The following LARP1B variants were observed in gnomAD, a reference collection of about 807,000 sequenced individuals.
The protein encoded by LARP1B is la-related protein 1B.
In LARP1B, 76 loss-of-function variants were observed where a neutral mutation model predicts 114.2. The observed-to-expected ratio is 0.67, with a 90% CI of 0.55 to 0.81. The LOEUF (loss-of-function observed/expected upper bound fraction) is 0.81. LARP1B is among the 30% of genes least tolerant of loss of function. The pLI is 0.00. For synonymous variants in LARP1B, 345 were observed against 348.0 expected, an observed-to-expected ratio of 0.99 and a Z score of 0.10; for missense variants, 1,014 against 1,075.8, an observed-to-expected ratio of 0.94 and a Z score of 0.80.
intron 11 of LARP1B, among the ~76,000 whole-genome samples, chr4:128,133,789 C>T (rs1792317447): frequency 6.6e-6 from 1 of 152,074 alleles, no homozygotes; most frequent in African/African-American, 2.4e-5. Context: ...CTCCGCCTCC[C>T]AGGTTCAAGT....
intron 8 of LARP1B, among the ~76,000 whole-genome samples, chr4:128,101,928 G>A (rs1345462501): frequency 6.6e-6 from 1 of 152,036 alleles, no homozygotes; most frequent in African/African-American, 2.4e-5. Context: ...TGCCTTTTTG[G>A]TCTGTTTGTA....
At chr4:128,158,080 G>A (rs187266382) in intron 11 of LARP1B, among the ~76,000 whole-genome samples, 2 of 152,198 alleles carry the variant, frequency 1.3e-5, no homozygotes, top group East Asian at 1.9e-4. Flanking sequence ...TATAAAGATG[G>A]ATATTTTATA....
At chr4:128,137,789 A>ATT (rs771782826) in intron 11 of LARP1B, among the ~76,000 whole-genome samples, 5 of 129,938 alleles carry the variant, frequency 3.8e-5, no homozygotes, top group African/African-American at 8.8e-5. Flanking sequence ...ATATATATAT[A>ATT]TATTTTTTTT....
At chr4:128,149,000 T>C (rs976966057) in intron 11 of LARP1B, among the ~76,000 whole-genome samples, 7 of 152,228 alleles carry the variant, frequency 4.6e-5, no homozygotes, top group African/African-American at 1.7e-4. Flanking sequence ...TTTTTGAACA[T>C]GAAAGGATAT....
chr4:128,065,253 A>ATTTCTTTC (rs199707342), intron 1 of LARP1B, among the ~76,000 whole-genome samples: 2,077 of 89,096 alleles, frequency 0.023, 55 homozygotes, highest in Middle Eastern at 0.041. Context: ...CCCACAATTA[A>ATTTCTTTC]TTTCTTTCTT....
intron 5 of LARP1B, among the ~76,000 whole-genome samples, chr4:128,088,220 T>TGAA (rs893757408): frequency 2.6e-5 from 4 of 151,744 alleles, no homozygotes; most frequent in African/African-American, 9.7e-5. Flanking sequence ...ATGATGATGA[T>TGAA]GAACAGTGGA....
chr4:128,178,035 G>GATATATAT (rs35878913), intron 13 of LARP1B, among the ~76,000 whole-genome samples: 3,027 of 137,720 alleles, frequency 0.022, 54 homozygotes, highest in Non-Finnish European at 0.034. Flanking sequence ...TTTACAAAGT[G>GATATATAT]ATATATATAT....
intron 12 of LARP1B, among the ~76,000 whole-genome samples, chr4:128,166,013 A>C (rs144533768): frequency 6.6e-6 from 1 of 152,096 alleles, no homozygotes; most frequent in African/African-American, 2.4e-5. Context: ...ATGAGTATCA[A>C]ATTAATATGT....
chr4:128,177,625 T>C (rs189475381), intron 13 of LARP1B, among the ~76,000 whole-genome samples: 40 of 152,310 alleles, frequency 2.6e-4, no homozygotes, highest in African/African-American at 9.4e-4. Context: ...ACTAGATCAT[T>C]TAAATCCCAT....
At chr4:128,069,319 G>A (rs1975879) in intron 1 of LARP1B, 2 of 811,288 alleles carry the variant, frequency 2.5e-6, no homozygotes, top group South Asian at 1.3e-5. Flanking sequence ...CCAGCTTGCC[G>A]CTTTGCAATG....
chr4:128,084,122 C>T (rs932894982), intron 5 of LARP1B, among the ~76,000 whole-genome samples: 6 of 151,628 alleles, frequency 4.0e-5, no homozygotes, highest in East Asian at 3.9e-4. Flanking sequence ...CCGGCAGAGA[C>T]GCTTCTCACT....
chr4:128,082,503 T>C (rs916737983), intron 5 of LARP1B, among the ~76,000 whole-genome samples, 198 bp downstream of exon 5: 1 of 152,230 alleles, frequency 6.6e-6, no homozygotes, highest in Non-Finnish European at 1.5e-5. Context: ...TTAACATTAA[T>C]ACAATGTGAT....
intron 15 of LARP1B, among the ~76,000 whole-genome samples, chr4:128,189,324 CTTTTTT>C (rs70966089): frequency 2.9e-4 from 2 of 6,822 alleles, no homozygotes; most frequent in South Asian, 7.4e-3. Flanking sequence ...AGTATGGCTA[CTTTTTT>C]TTTTTTTTTT....
chr4:128,108,091 G>T lies in LARP1B; in HGVS notation c.988+778G>T, dbSNP rs554463859. 69 of 1,395,996 alleles carry T rather than the reference G, an allele frequency of 4.9e-5. No individual in the cohort carries two copies. The South Asian group carries it at 1.1e-3, about 22-fold the overall frequency. The allele number at this position is 1,395,996 out of a possible 1,614,324, so 86.5% of individuals were successfully genotyped here. On this transcript the variant is annotated intron_variant, in intron 9 of 19. Coordinates refer to ENST00000326639, the MANE Select transcript of LARP1B (RefSeq NM_018078.4). Reference sequence around the variant, plus strand: ...CACTGCAGTGGAGATAACCACCTTTGCGATAATGAGAGACAGACCAGAGGA... The same window carrying T: ...CACTGCAGTGGAGATAACCACCTTTTCGATAATGAGAGACAGACCAGAGGA...
chr4:128,104,800 T>A (rs950690958), intron 8 of LARP1B, among the ~76,000 whole-genome samples: 7 of 152,206 alleles, frequency 4.6e-5, no homozygotes, highest in Non-Finnish European at 8.8e-5. Context: ...CTTTCCACTT[T>A]GGGTCTTTGA....
At chr4:128,214,273 G>C (rs979356128), downstream of LARP1B, among the ~76,000 whole-genome samples, 13 of 148,006 alleles carry the variant, frequency 8.8e-5, no homozygotes, top group East Asian at 2.2e-3. Context: ...CAAAGCAGCC[G>C]GGAAGCTCGA....
At chr4:128,123,714 G>A (rs1048364095) in intron 11 of LARP1B, 2 of 972,328 alleles carry the variant, frequency 2.1e-6, no homozygotes, top group Non-Finnish European at 1.2e-6. Context: ...ATTAACCAAA[G>A]GAACCCAACC....
Position 128,114,718 on chromosome 4 carries a change from T to C in LARP1B, c.1137T>C (p.His379=). ...CTTGGATAGAAGTTAAAAAAAGACA[T>C]CAGCCAGCCCCAGTGAAATTGAGGG... ...SEPWIEVKKR[H]QPAPVKLRES... is the part of the protein sequence containing the mutation. The change falls in exon 10 of 20, where the codon CAT becomes CAC. Residue 379 remains histidine (H), a synonymous_variant. Coordinates refer to ENST00000326639, the MANE Select transcript of LARP1B (RefSeq NM_018078.4). The C allele has an allele frequency of 6.2e-7, 1 of 1,614,036 alleles. No homozygotes were observed. Among genetic ancestry groups the C allele is most frequent in the Admixed American group, 1.7e-5 (1 of 60,010 alleles).
intron 10 of LARP1B, among the ~76,000 whole-genome samples, chr4:128,119,789 C>T (rs1787287253): frequency 6.6e-6 from 1 of 152,142 alleles, no homozygotes; most frequent in South Asian, 2.1e-4. Context: ...AGTCTTTGAT[C>T]TTCTGATAGT....
Sources: gnomAD v4.1 joint callset for allele counts (sites outside exome capture counted in the v4.1 genomes callset) on GRCh38, gnomAD v4.1.1 for gene constraint, MANE v1.5 for transcripts, NCBI Gene and HGNC (gene_info 2026-07-23, HGNC 2026-07-21) for gene names.